The following GABRG2 variants were observed in gnomAD, a reference collection of about 807,000 sequenced individuals.
GABRG2 encodes the protein gamma-aminobutyric acid receptor subunit gamma-2.
Under a neutral mutation model 56.4 loss-of-function variants are expected in GABRG2, and 16 were observed. The observed-to-expected ratio is 0.28, with a 90% confidence interval of 0.19 to 0.43. The LOEUF (loss-of-function observed/expected upper bound fraction) is 0.43, where lower values mean the gene tolerates loss of function less well. GABRG2 is among the 20% of genes least tolerant of loss of function. GABRG2 has a pLI of 1.00. For missense variants in GABRG2, 327 were observed against 582.7 expected, an observed-to-expected ratio of 0.56 and a Z score of 4.52; for synonymous variants, 208 against 205.5, an observed-to-expected ratio of 1.01 and a Z score of -0.10.
chr5:162,094,551 T>G (rs1307554012), intron 2 of GABRG2: 1 of 157,836 alleles, frequency 6.3e-6, no homozygotes, highest in East Asian at 1.9e-4. Flanking sequence ...AGAGAGTAAG[T>G]AGAAGCTCAT....
chr5:162,071,731 T>C (rs183294), intron 1 of GABRG2, among the ~76,000 whole-genome samples: 93,308 of 151,650 alleles, frequency 0.62, 28,802 homozygotes, highest in Admixed American at 0.65. Flanking sequence ...GCTTGTCATT[T>C]CCTGTCTTTC....
chr5:162,124,959 TGTG>T (rs1763229543), intron 6 of GABRG2, among the ~76,000 whole-genome samples: 2 of 31,682 alleles, frequency 6.3e-5, no homozygotes, highest in African/African-American at 4.3e-4. Flanking sequence ...TATAAAGAGA[TGTG>T]TGTGTGTGTG....
At chr5:162,115,520 C>G (rs1467995318) in intron 6 of GABRG2, among the ~76,000 whole-genome samples, 1 of 151,998 alleles carries the variant, frequency 6.6e-6, no homozygotes, top group Non-Finnish European at 1.5e-5. Flanking sequence ...TAGCTAAGGT[C>G]TGATAAAATG....
At chr5:162,143,443 T>C (rs1352625237) in intron 7 of GABRG2, among the ~76,000 whole-genome samples, 1 of 152,242 alleles carries the variant, frequency 6.6e-6, no homozygotes, top group Non-Finnish European at 1.5e-5. Context: ...TTCACATCTG[T>C]TTCTTCACAT....
At chr5:162,142,617 G>A in intron 7 of GABRG2, 1 of 354,394 alleles carries the variant, frequency 2.8e-6, no homozygotes, top group Non-Finnish European at 5.5e-6. Flanking sequence ...GATGAAGCTG[G>A]AAACCATCAT....
chr5:162,133,878 G>A (rs1012677653), intron 6 of GABRG2, among the ~76,000 whole-genome samples: 4 of 152,092 alleles, frequency 2.6e-5, no homozygotes, highest in Non-Finnish European at 4.4e-5. Context: ...AAAGCTATCC[G>A]CCAAGAGAAA....
intron 3 of GABRG2, among the ~76,000 whole-genome samples, 167 bp from the exon 4 acceptor site, chr5:162,097,471 G>C (rs1429259768): frequency 6.6e-6 from 1 of 152,026 alleles, no homozygotes; most frequent in African/African-American, 2.4e-5. Context: ...ACAAAAGATG[G>C]GTGAGACAGT....
intron 6 of GABRG2, among the ~76,000 whole-genome samples, chr5:162,119,863 G>A (rs538980396): frequency 6.6e-6 from 1 of 152,154 alleles, no homozygotes; most frequent in African/African-American, 2.4e-5. Context: ...TGAAGGTATT[G>A]GTATAGTCAT....
At chr5:162,100,282 A>T (rs1446239296) in intron 4 of GABRG2, 2 of 152,154 alleles carry the variant, frequency 1.3e-5, no homozygotes, top group Admixed American at 6.5e-5. Context: ...TAGATTCTTA[A>T]TTCTGTTCAA....
At position 162,154,499 on chromosome 5, in the gene GABRG2, T is replaced by C. The variant is rs1017591261; in HGVS notation, c.*1131T>C. On this transcript the variant is annotated 3_prime_UTR_variant, in exon 10 of 10. Transcript: ENST00000639213. ...GTGACTCATCTTCTCACATAGGTGT[T>C]GTCAAGTGATATTTGATTTTGTAAA... 4.6e-5 allele frequency: 7 copies of C among 152,206 alleles called. No homozygotes were observed. Among genetic ancestry groups the C allele is most frequent in the African/African-American group, 1.4e-4 (6 of 41,464 alleles). 9.4% of individuals were successfully genotyped at this position (152,206 alleles called of 1,614,324 possible).
At chr5:162,070,675 A>T (rs1055872407) in intron 1 of GABRG2, among the ~76,000 whole-genome samples, 2 of 152,082 alleles carry the variant, frequency 1.3e-5, no homozygotes, top group African/African-American at 4.8e-5. Context: ...GAATATTAAT[A>T]ACTAATATCT....
chr5:162,091,735 T>C (rs1483585347), intron 1 of GABRG2, among the ~76,000 whole-genome samples: 1 of 152,166 alleles, frequency 6.6e-6, no homozygotes, highest in Non-Finnish European at 1.5e-5. Flanking sequence ...TTTCACTTTA[T>C]GTATTTTCCC....
chr5:162,123,882 A>G (rs1482208113), intron 6 of GABRG2, among the ~76,000 whole-genome samples: 1 of 151,908 alleles, frequency 6.6e-6, no homozygotes, highest in East Asian at 1.9e-4. Flanking sequence ...TTGTGTGTGA[A>G]ACATTTAAAA....
intron 6 of GABRG2, among the ~76,000 whole-genome samples, chr5:162,114,943 G>A (rs568187188): frequency 1.4e-4 from 21 of 151,368 alleles, no homozygotes; most frequent in Admixed American, 2.6e-4. Context: ...GTTTGTTGCC[G>A]TTTTGCTTTG....
intron 9 of GABRG2, chr5:162,152,555 T>G (rs1765448581): frequency 2.8e-6 from 1 of 354,382 alleles, no homozygotes; most frequent in Non-Finnish European, 5.6e-6. Context: ...CTTTAAAACA[T>G]AAGCCATACC....
At chr5:162,076,147 G>C (rs555901013) in intron 1 of GABRG2, among the ~76,000 whole-genome samples, 1 of 152,012 alleles carries the variant, frequency 6.6e-6, no homozygotes, top group Non-Finnish European at 1.5e-5. Flanking sequence ...GTGAGACCCC[G>C]TCTCAAATAA....
At chr5:162,076,020 T>A (rs767083979) in intron 1 of GABRG2, among the ~76,000 whole-genome samples, 15 of 151,756 alleles carry the variant, frequency 9.9e-5, no homozygotes, top group Middle Eastern at 3.4e-3. Context: ...GGTATGGTAG[T>A]GCACGCCTGT....
chr5:162,091,365 C>A (rs1760569644), intron 1 of GABRG2, among the ~76,000 whole-genome samples: 1 of 151,916 alleles, frequency 6.6e-6, no homozygotes, highest in Non-Finnish European at 1.5e-5. Context: ...TTGTCATGGA[C>A]TTATTTTCAG....
intron 2 of GABRG2, 70 bp from the exon 3 acceptor site, chr5:162,095,425 A>T: frequency 1.1e-6 from 1 of 951,484 alleles, no homozygotes; most frequent in Non-Finnish European, 1.7e-6. Flanking sequence ...TCTATTCTAG[A>T]AAACAAAGAT....
Sources: gnomAD v4.1 joint callset for allele counts (sites outside exome capture counted in the v4.1 genomes callset) on GRCh38, gnomAD v4.1.1 for gene constraint, MANE v1.5 for transcripts, NCBI Gene and HGNC (gene_info 2026-07-23, HGNC 2026-07-21) for gene names.